The following LRMDA variants were observed in gnomAD, a reference collection of about 807,000 sequenced individuals.
LRMDA encodes leucine-rich melanocyte differentiation-associated protein.
In LRMDA, 18 loss-of-function variants were observed where a neutral mutation model predicts 29.8. That is an observed-to-expected ratio of 0.60 (90% CI 0.42 to 0.90). The LOEUF is 0.90. Ranked by LOEUF, LRMDA falls within the 40% of genes least tolerant of loss-of-function variation. The probability of loss-of-function intolerance (pLI) is 0.00; values close to 1 mark genes in which losing one functional copy is unlikely to be tolerated. For synonymous variants in LRMDA, 125 were observed against 109.4 expected, an observed-to-expected ratio of 1.14 and a Z score of -0.89; for missense variants, 273 against 273.9, an observed-to-expected ratio of 1.00 and a Z score of 0.02.
chr10:76,121,456 C>T (rs1357335247), intron 5 of LRMDA, among the ~76,000 whole-genome samples: 1 of 152,176 alleles, frequency 6.6e-6, no homozygotes, highest in Non-Finnish European at 1.5e-5. Flanking sequence ...AGTCAATCCA[C>T]AATTGTCTGT....
chr10:76,053,610 G>A (rs1848564952), intron 4 of LRMDA, among the ~76,000 whole-genome samples: 1 of 152,164 alleles, frequency 6.6e-6, no homozygotes, highest in African/African-American at 2.4e-5. Flanking sequence ...GACCATGAAA[G>A]GACAGGCAAG....
At position 76,334,462 on chromosome 10, in the gene LRMDA, G is replaced by A. The variant is rs568390066; in HGVS notation, c.601+9977G>A. Among the ~76,000 whole-genome samples the A allele has an allele frequency of 3.4e-4, 51 of 152,210 alleles. 1 individual carries two copies. The highest frequency in any genetic ancestry group is 2.7e-3 in the South Asian group (13 of 4,820). On this transcript the variant is annotated intron_variant, in intron 6 of 6. Transcript: ENST00000611255. ...GTAAAATCATGAAAAATGGCCTGTC[G>A]GTGAGCTCAAGAAGGCCAAATGATG...
intron 5 of LRMDA, among the ~76,000 whole-genome samples, chr10:76,133,552 G>A (rs1057066457): frequency 6.6e-6 from 1 of 152,116 alleles, no homozygotes; most frequent in African/African-American, 2.4e-5. Flanking sequence ...CCCAATGTGT[G>A]GAGAGCGAGG....
chr10:76,362,608 C>A (rs1246024323), intron 6 of LRMDA, among the ~76,000 whole-genome samples: 1 of 152,034 alleles, frequency 6.6e-6, no homozygotes, highest in African/African-American at 2.4e-5. Context: ...CTTGTTTGTA[C>A]CCCCCTGGTG....
At chr10:76,054,223 G>A (rs900670810) in intron 4 of LRMDA, among the ~76,000 whole-genome samples, 1 of 152,052 alleles carries the variant, frequency 6.6e-6, no homozygotes, top group Non-Finnish European at 1.5e-5. Context: ...GAACTATTTG[G>A]GGCAAGTCCT....
chr10:75,461,560 C>G (rs1844585295), intron 2 of LRMDA, among the ~76,000 whole-genome samples: 1 of 152,126 alleles, frequency 6.6e-6, no homozygotes, highest in African/African-American at 2.4e-5. Context: ...GATTCTTCCT[C>G]CATCTCTCCT....
At chr10:75,790,569 G>C (rs565027599) in intron 2 of LRMDA, among the ~76,000 whole-genome samples, 1 of 152,146 alleles carries the variant, frequency 6.6e-6, no homozygotes, top group Non-Finnish European at 1.5e-5. Flanking sequence ...TGACATAAAC[G>C]TAAAGTATCA....
intron 5 of LRMDA, among the ~76,000 whole-genome samples, chr10:76,165,769 AG>A (rs1375171224): frequency 6.6e-6 from 1 of 152,140 alleles, no homozygotes; most frequent in Admixed American, 6.5e-5. Flanking sequence ...GAACAATATG[AG>A]GGTAGCCGCC....
chr10:76,552,416 T>A (rs1280662716), intron 6 of LRMDA, among the ~76,000 whole-genome samples: 1 of 152,206 alleles, frequency 6.6e-6, no homozygotes, highest in Admixed American at 6.5e-5. Context: ...CCCCCTTCTA[T>A]CCAGGTTATA....
chr10:75,802,932 ATGTGTGTG>A (rs71024568), intron 2 of LRMDA, among the ~76,000 whole-genome samples: 2 of 136,102 alleles, frequency 1.5e-5, no homozygotes, highest in African/African-American at 5.4e-5. Context: ...TTAATACATT[ATGTGTGTG>A]TGTGTGTGTG....
intron 6 of LRMDA, among the ~76,000 whole-genome samples, chr10:76,401,864 A>G (rs1271471655): frequency 1.3e-5 from 2 of 152,168 alleles, no homozygotes; most frequent in Non-Finnish European, 2.9e-5. Context: ...TTTCATTTGT[A>G]CTGGACCCTG....
intron 2 of LRMDA, among the ~76,000 whole-genome samples, chr10:75,444,684 A>AT (rs536511279): frequency 1.3e-5 from 2 of 152,158 alleles, no homozygotes; most frequent in Non-Finnish European, 2.9e-5. Context: ...TAAGATCTTT[A>AT]TTTTTTAAGA....
At chr10:75,666,184 A>G (rs1039083517) in intron 2 of LRMDA, among the ~76,000 whole-genome samples, 1 of 152,202 alleles carries the variant, frequency 6.6e-6, no homozygotes, top group Non-Finnish European at 1.5e-5. Context: ...ATAGTTATAC[A>G]GTATATAAAC....
chr10:76,007,864 A>G (rs1352790132), intron 2 of LRMDA, among the ~76,000 whole-genome samples: 1 of 152,158 alleles, frequency 6.6e-6, no homozygotes, highest in Non-Finnish European at 1.5e-5. Flanking sequence ...GATTATTTTT[A>G]AAACCAATGG....
At chr10:75,567,748 A>T (rs1260745026) in intron 2 of LRMDA, among the ~76,000 whole-genome samples, 1 of 152,232 alleles carries the variant, frequency 6.6e-6, no homozygotes, top group Non-Finnish European at 1.5e-5. Context: ...TGGAAAGGGC[A>T]GTTGAATCAG....
intron 2 of LRMDA, among the ~76,000 whole-genome samples, chr10:75,681,200 G>A (rs1842018527): frequency 6.6e-6 from 1 of 152,192 alleles, no homozygotes; most frequent in African/African-American, 2.4e-5. Context: ...TGCAGAGAGA[G>A]CTGAAACCAA....
chr10:76,306,250 G>A (rs1335862941), intron 5 of LRMDA, among the ~76,000 whole-genome samples: 1 of 152,190 alleles, frequency 6.6e-6, no homozygotes, highest in African/African-American at 2.4e-5. Flanking sequence ...AAGCTTCATG[G>A]TTCTTCTTCA....
intron 6 of LRMDA, among the ~76,000 whole-genome samples, chr10:76,361,347 C>A (rs1047716461): frequency 6.6e-6 from 1 of 152,018 alleles, no homozygotes; most frequent in South Asian, 2.1e-4. Context: ...GAGTAGCTAT[C>A]TGATAGGGGT....
intron 6 of LRMDA, among the ~76,000 whole-genome samples, chr10:76,481,795 T>C (rs1011997563): frequency 5.3e-5 from 8 of 151,958 alleles, no homozygotes; most frequent in African/African-American, 1.7e-4. Context: ...GCTTCTCTAA[T>C]ATTTCCTAAG....
Sources: allele counts gnomAD v4.1 joint callset (sites outside exome capture counted in the v4.1 genomes callset), GRCh38; gene constraint gnomAD v4.1.1; transcripts MANE v1.5; gene names NCBI Gene and HGNC (gene_info 2026-07-23, HGNC 2026-07-21).